Variants in CCDC91 observed in about 807,000 individuals in gnomAD.
CCDC91 encodes coiled-coil domain containing 91, also known as coiled-coil domain-containing protein 91.
Under a neutral mutation model 63.2 loss-of-function variants are expected in CCDC91, and 48 were observed. The ratio of observed to expected loss-of-function variants is 0.76; its 90% confidence interval spans 0.60 to 0.97. CCDC91 has a LOEUF of 0.97. CCDC91 is among the 50% of genes least tolerant of loss of function. The pLI is 0.00. For synonymous variants in CCDC91, 167 were observed against 165.8 expected (o/e 1.01, Z -0.06); for missense variants, 500 against 494.6 (o/e 1.01, Z -0.10).
intron 3 of CCDC91, among the ~76,000 whole-genome samples, chr12:28,269,988 T>C (rs945914171): frequency 1.2e-4 from 18 of 152,064 alleles, no homozygotes; most frequent in Admixed American, 7.9e-4. Context: ...ATTTTTTTCC[T>C]TATTAAAGCA....
chr12:28,334,311 G>A (rs553673054), intron 6 of CCDC91, among the ~76,000 whole-genome samples: 2 of 152,176 alleles, frequency 1.3e-5, no homozygotes, highest in African/African-American at 4.8e-5. Flanking sequence ...CAATTTGAAG[G>A]AATGGTTTTT....
At chr12:28,528,865 G>A (rs571368348) in intron 12 of CCDC91, among the ~76,000 whole-genome samples, 2 of 152,168 alleles carry the variant, frequency 1.3e-5, no homozygotes, top group South Asian at 4.2e-4. Flanking sequence ...CTATCAATCG[G>A]AAACTAGTTA....
At chr12:28,197,028 A>G (rs1941815995) in intron 1 of CCDC91, among the ~76,000 whole-genome samples, 2 of 152,116 alleles carry the variant, frequency 1.3e-5, no homozygotes, top group African/African-American at 4.8e-5. Flanking sequence ...CCCTGTTGAA[A>G]TTAACATTAA....
intron 7 of CCDC91, among the ~76,000 whole-genome samples, chr12:28,376,473 A>T (rs1299133563): frequency 6.6e-6 from 1 of 151,648 alleles, no homozygotes; most frequent in Non-Finnish European, 1.5e-5. Flanking sequence ...CGTCAAGATT[A>T]AAAAAAACAA....
chr12:28,337,794 T>C (rs1942101115), intron 6 of CCDC91, among the ~76,000 whole-genome samples: 2 of 152,262 alleles, frequency 1.3e-5, no homozygotes, highest in Admixed American at 1.3e-4. Context: ...GTTTTTGTTT[T>C]GTTTTTCTTA....
intron 12 of CCDC91, among the ~76,000 whole-genome samples, chr12:28,488,745 A>C (rs142516153): frequency 1.3e-5 from 2 of 151,920 alleles, no homozygotes; most frequent in Non-Finnish European, 2.9e-5. Flanking sequence ...CAAACAGGAA[A>C]ACCTAAAAAG....
At chr12:28,213,116 A>G (rs1271848061) in intron 1 of CCDC91, among the ~76,000 whole-genome samples, 1 of 152,120 alleles carries the variant, frequency 6.6e-6, no homozygotes, top group African/African-American at 2.4e-5. Context: ...AGACCCCCAC[A>G]CACCTAGTGG....
At chr12:28,416,224 A>G (rs1424813348) in intron 8 of CCDC91, among the ~76,000 whole-genome samples, 2 of 152,122 alleles carry the variant, frequency 1.3e-5, no homozygotes, top group Non-Finnish European at 2.9e-5. Flanking sequence ...ATATCCCCAC[A>G]ACTATTATCA....
chr12:28,251,168 G>C (rs1244574665), intron 1 of CCDC91, among the ~76,000 whole-genome samples: 1 of 152,042 alleles, frequency 6.6e-6, no homozygotes, highest in African/African-American at 2.4e-5. Context: ...TTAGTTGAAT[G>C]CTAAGTGGAC....
intron 12 of CCDC91, among the ~76,000 whole-genome samples, chr12:28,527,324 C>T (rs1421313907): frequency 6.6e-6 from 1 of 152,198 alleles, no homozygotes; most frequent in Non-Finnish European, 1.5e-5. Flanking sequence ...TTCTCCTTTC[C>T]TAGGGATGGG....
intron 8 of CCDC91, among the ~76,000 whole-genome samples, chr12:28,432,657 G>A (rs1448271696): frequency 6.6e-6 from 1 of 152,038 alleles, no homozygotes; most frequent in Non-Finnish European, 1.5e-5. Flanking sequence ...CCAAGTTTTG[G>A]CAATAGATAA....
chr12:28,494,839 C>T (rs557521413), intron 12 of CCDC91, among the ~76,000 whole-genome samples: 1 of 151,830 alleles, frequency 6.6e-6, no homozygotes, highest in South Asian at 2.1e-4. Flanking sequence ...TTTAAATGCA[C>T]ATCTACAACA....
At chr12:28,380,296 A>G (rs1208383893) in intron 7 of CCDC91, among the ~76,000 whole-genome samples, 1 of 152,082 alleles carries the variant, frequency 6.6e-6, no homozygotes, top group African/African-American at 2.4e-5. Context: ...TACCTTGTGC[A>G]CATGTACCCT....
At chr12:28,194,271 G>A (rs1184315922) in intron 1 of CCDC91, among the ~76,000 whole-genome samples, 1 of 152,138 alleles carries the variant, frequency 6.6e-6, no homozygotes, top group Non-Finnish European at 1.5e-5. Flanking sequence ...CTCTCTGTGT[G>A]TGTGTGTATG....
chr12:28,327,322 A>G (rs1050328677), intron 6 of CCDC91, among the ~76,000 whole-genome samples: 4 of 152,110 alleles, frequency 2.6e-5, no homozygotes, highest in Non-Finnish European at 5.9e-5. Context: ...TGCCAATAGG[A>G]AAAGGCTACC....
intron 8 of CCDC91, among the ~76,000 whole-genome samples, chr12:28,393,088 A>T (rs1946050382): frequency 6.6e-6 from 1 of 152,118 alleles, no homozygotes; most frequent in Non-Finnish European, 1.5e-5. Context: ...ATCTTTTCAG[A>T]GTTTTTTTTG....
At chr12:28,520,206 G>C (rs1222466637) in intron 12 of CCDC91, among the ~76,000 whole-genome samples, 2 of 151,968 alleles carry the variant, frequency 1.3e-5, no homozygotes, top group Non-Finnish European at 2.9e-5. Flanking sequence ...AAGTTTTCCT[G>C]TTTCTCCACA....
At chr12:28,471,791 C>G (rs1440742783) in intron 11 of CCDC91, among the ~76,000 whole-genome samples, 1 of 147,356 alleles carries the variant, frequency 6.8e-6, no homozygotes, top group African/African-American at 2.4e-5. Context: ...GATCTGTCAC[C>G]CAGACTGGAG....
chr12:28,223,580 C>G (rs557842187), intron 1 of CCDC91, among the ~76,000 whole-genome samples: 7 of 152,072 alleles, frequency 4.6e-5, no homozygotes, highest in Non-Finnish European at 1.0e-4. Flanking sequence ...ATATTTCTTC[C>G]TTTCTCTTTT....
Sources: allele counts gnomAD v4.1 joint callset (sites outside exome capture counted in the v4.1 genomes callset), GRCh38; gene constraint gnomAD v4.1.1; transcripts MANE v1.5; gene names NCBI Gene and HGNC (gene_info 2026-07-23, HGNC 2026-07-21).